Variants in SSH2 observed in about 807,000 individuals in gnomAD.
The protein encoded by SSH2 is slingshot protein phosphatase 2.
Under a neutral mutation model 135.2 loss-of-function variants are expected in SSH2, and 37 were observed. The observed-to-expected ratio is 0.27, with a 90% CI of 0.21 to 0.36. SSH2 has a LOEUF of 0.36. Among genes scored for constraint, SSH2 ranks in the 10% least tolerant of loss-of-function variants. The probability of loss-of-function intolerance (pLI) is 1.00; values close to 1 mark genes in which losing one functional copy is unlikely to be tolerated. For missense variants in SSH2, 1,408 were observed against 1,765.3 expected (o/e 0.80, Z 3.63); for synonymous variants, 628 against 646.2 (o/e 0.97, Z 0.43).
At chr17:29,761,328 G>T in intron 3 of SSH2, 1 of 1,134,268 alleles carries the variant, frequency 8.8e-7, no homozygotes, top group Non-Finnish European at 1.1e-6. Context: ...GCTCTGCTCC[G>T]GCACGAGGCG....
At chr17:29,633,244 C>T (rs1274855164) in intron 15 of SSH2, among the ~76,000 whole-genome samples, 6 of 152,164 alleles carry the variant, frequency 3.9e-5, no homozygotes, top group Non-Finnish European at 8.8e-5. Flanking sequence ...TTGGAGGCTC[C>T]TATAATCTAT....
At chr17:29,921,438 T>C (rs1227828652) in intron 1 of SSH2, among the ~76,000 whole-genome samples, 1 of 152,198 alleles carries the variant, frequency 6.6e-6, no homozygotes, top group Non-Finnish European at 1.5e-5. Flanking sequence ...TTTGGCAACA[T>C]GTATCAAAAG....
intron 1 of SSH2, chr17:29,856,031 G>A: frequency 2.6e-6 from 1 of 390,918 alleles, no homozygotes; most frequent in Non-Finnish European, 5.0e-6. Flanking sequence ...ACAAGATGAG[G>A]TCTGTGCATA....
chr17:29,888,931 C>CAAAAAAAAAAAAAAAAAAAAAAAAA, intron 1 of SSH2, among the ~76,000 whole-genome samples: 1 of 42,082 alleles, frequency 2.4e-5, no homozygotes, highest in South Asian at 1.1e-3. Context: ...GACACTATCT[C>CAAAAAAAAAAAAAAAAAAAAAAAAA]AAAAAAAAAA....
chr17:29,712,693 A>C (rs567968472), intron 3 of SSH2, among the ~76,000 whole-genome samples: 1 of 152,134 alleles, frequency 6.6e-6, no homozygotes, highest in African/African-American at 2.4e-5. Flanking sequence ...AATCCCAGCT[A>C]CTCGGAAGGC....
chr17:29,913,347 A>AAAAAAAAAAAAAATTATATAT, intron 1 of SSH2, among the ~76,000 whole-genome samples: 3 of 28,778 alleles, frequency 1.0e-4, no homozygotes, highest in African/African-American at 1.2e-4. Context: ...AAAAAAAAAA[A>AAAAAAAAAAAAAATTATATAT]ATATATATAT....
intron 1 of SSH2, among the ~76,000 whole-genome samples, chr17:29,923,045 G>A (rs1266556558): frequency 6.6e-6 from 1 of 152,134 alleles, no homozygotes; most frequent in Non-Finnish European, 1.5e-5. Context: ...CAAGTAGCTG[G>A]AACGACAGGC....
intron 2 of SSH2, among the ~76,000 whole-genome samples, chr17:29,800,020 C>T (rs745386424): frequency 1.3e-5 from 2 of 152,144 alleles, no homozygotes; most frequent in African/African-American, 2.4e-5. Flanking sequence ...ATATCCTTTG[C>T]ATCTTTCCTC....
chr17:29,692,640 G>A (rs1038424711), intron 5 of SSH2, among the ~76,000 whole-genome samples: 3 of 152,150 alleles, frequency 2.0e-5, no homozygotes, highest in Non-Finnish European at 4.4e-5. Context: ...TTATCAATGA[G>A]AAAACGATAA....
rs1160415576 is a variant in SSH2, at chr17:29,828,205, A to C, written c.144+20644T>G. On this transcript the variant is annotated intron_variant, in intron 2 of 15. Coordinates refer to ENST00000540801, the MANE Select transcript of SSH2 (RefSeq NM_001282129.2). ...AATTCAGTAAGTGATCTTGATTGCA[A>C]TGAACTCTCATTGACTACACAAGAA... 2.0e-5 allele frequency among the ~76,000 whole-genome samples: 3 copies of C among 152,252 alleles called. No individual in the cohort carries two copies. In the East Asian group the frequency reaches 5.8e-4, roughly 29 times the overall value.
chr17:29,779,603 C>G (rs2041792368), intron 3 of SSH2, among the ~76,000 whole-genome samples: 3 of 146,664 alleles, frequency 2.0e-5, no homozygotes. Context: ...ACTTTGGGGT[C>G]AGGATTCGAG....
At chr17:29,730,005 T>C (rs972680783) in intron 3 of SSH2, among the ~76,000 whole-genome samples, 1 of 152,014 alleles carries the variant, frequency 6.6e-6, no homozygotes, top group African/African-American at 2.4e-5. Context: ...TCAACAACAA[T>C]AAATTACTGT....
Position 29,684,714 on chromosome 17 carries a change from T to A in SSH2, c.358-30A>T, listed in dbSNP as rs1311541099. 11 of 1,598,228 alleles carry A rather than the reference T, an allele frequency of 6.9e-6. No individual in the cohort carries two copies. The African/African-American group carries it at 1.3e-4, about 20-fold the overall frequency. On this transcript the variant is annotated intron_variant, in intron 5 of 15. Transcript: ENST00000540801. ...AATTTAGCAGACAACAGAGAAATTA[T>A]GAAATTTAGGACATTAATTTCAGAT... is the stretch of plus-strand genomic sequence containing the variant.
At chr17:29,834,562 AGATCTTTT>A (rs2042912544) in intron 2 of SSH2, among the ~76,000 whole-genome samples, 2 of 152,168 alleles carry the variant, frequency 1.3e-5, no homozygotes, top group Non-Finnish European at 2.9e-5. Flanking sequence ...TTTGTTTATA[AGATCTTTT>A]AATGTAGATT....
Position 29,716,986 on chromosome 17 carries a change from C to T in SSH2, c.189-13924G>A, listed in dbSNP as rs79183458. ...CACTTTCTCCTTTTTGACTACCCTG[C>T]CCCTGCTCCCCTCAGTTTCTAAGAC... On this transcript the variant is annotated intron_variant, in intron 3 of 15. Transcript: ENST00000540801. 4.5e-3 allele frequency among the ~76,000 whole-genome samples: 690 copies of T among 152,282 alleles called. 8 individuals carry two copies. Among genetic ancestry groups the T allele is most frequent in the African/African-American group, 0.016 (653 of 41,540 alleles).
At chr17:29,635,215 T>C (rs1057159259) in intron 15 of SSH2, among the ~76,000 whole-genome samples, 1 of 151,958 alleles carries the variant, frequency 6.6e-6, no homozygotes, top group Non-Finnish European at 1.5e-5. Flanking sequence ...ACATTATTAA[T>C]AGCAGGAACT....
intron 9 of SSH2, among the ~76,000 whole-genome samples, chr17:29,670,547 GC>G (rs1230265021): frequency 6.6e-6 from 1 of 152,164 alleles, no homozygotes; most frequent in African/African-American, 2.4e-5. Context: ...TGTAATCCCA[GC>G]ACTTTGGGAG....
chr17:29,852,803 G>A (rs1049519467), intron 1 of SSH2, among the ~76,000 whole-genome samples: 1 of 151,904 alleles, frequency 6.6e-6, no homozygotes, highest in Non-Finnish European at 1.5e-5. Context: ...ACCCACCTCG[G>A]CCTCCCAAAG....
chr17:29,835,423 T>C lies in SSH2; in HGVS notation c.144+13426A>G, dbSNP rs375494152. Among the ~76,000 whole-genome samples the C allele has an allele frequency of 3.0e-4, 45 of 152,348 alleles. No individual in the cohort carries two copies. The East Asian group carries it at 3.7e-3, about 12-fold the overall frequency. ...TATTTCATTGTTCACATTGGTCCTT[T>C]CCCTTCCCAAGAACAGTTTCCCTTT... On this transcript the variant is annotated intron_variant, in intron 2 of 15. Coordinates refer to ENST00000540801, the MANE Select transcript of SSH2 (RefSeq NM_001282129.2).
Sources: gnomAD v4.1 joint callset for allele counts (sites outside exome capture counted in the v4.1 genomes callset) on GRCh38, gnomAD v4.1.1 for gene constraint, MANE v1.5 for transcripts, NCBI Gene and HGNC (gene_info 2026-07-23, HGNC 2026-07-21) for gene names.